The following H2AC8 variants were observed in gnomAD, a reference collection of about 807,000 sequenced individuals.
The protein encoded by H2AC8 is H2A clustered histone 8, also known as histone H2A type 1-B/E.
In H2AC8, 9 loss-of-function variants were observed where a neutral mutation model predicts 6.3. The observed-to-expected ratio is 1.43, with a 90% CI of 0.86 to 2.49. The LOEUF (loss-of-function observed/expected upper bound fraction) is 2.49. H2AC8 is among the 30% of genes most tolerant of loss of function. The pLI, the probability that H2AC8 is intolerant of heterozygous loss-of-function variation, is 0.00. For synonymous variants in H2AC8, 176 were observed against 79.6 expected (o/e 2.21, Z -6.45); for missense variants, 141 against 177.5 (o/e 0.79, Z 1.17).
At position 26,217,386 on chromosome 6, in the gene H2AC8, C is replaced by G. The variant is rs1012883659; in HGVS notation, c.*19C>G. 4 of 1,601,640 alleles carry G rather than the reference C, an allele frequency of 2.5e-6. No individual in the cohort carries two copies. In the Admixed American group the frequency reaches 5.4e-5, roughly 21 times the overall value. ...CAAGTGAAATGATTACTAGTCAAAT[C>G]CGTCAGTGATCCCGAGTCCCAGAAA... On this transcript the variant is annotated 3_prime_UTR_variant, in exon 1 of 1. Transcript: ENST00000303910.
chr6:26,217,079 C>G (rs753800823), exon 1 of H2AC8: 2 of 1,614,092 alleles, frequency 1.2e-6, no homozygotes, highest in African/African-American at 2.7e-5. Flanking sequence ...ACCGCCTCCT[C>G]CGCAAAGGCA....
upstream of H2AC8, chr6:26,216,955 TCTG>T (rs1177269989): frequency 6.2e-7 from 1 of 1,613,654 alleles, no homozygotes; most frequent in Non-Finnish European, 8.5e-7. Context: ...TGTTAGTTCT[TCTG>T]CTGTTAGGAA....
chr6:26,217,184 G>C, exon 1 of H2AC8: 2 of 1,614,160 alleles, frequency 1.2e-6, no homozygotes, highest in Non-Finnish European at 1.7e-6. Context: ...CTGGCAACGC[G>C]GCTCGCGACA....
At position 26,217,373 on chromosome 6, in the gene H2AC8, T is replaced by C. The variant is rs76078866; in HGVS notation, c.*6T>C. ...ATAAGGCCAAGGGCAAGTGAAATGA[T>C]TACTAGTCAAATCCGTCAGTGATCC... is the stretch of plus-strand genomic sequence containing the variant. On this transcript the variant is annotated 3_prime_UTR_variant, in exon 1 of 1. Transcript: ENST00000303910. The C allele has an allele frequency of 1.1e-4, 178 of 1,609,548 alleles. No homozygotes were observed. The East Asian group carries it at 3.2e-3, about 29-fold the overall frequency.
exon 1 of H2AC8, chr6:26,217,209 A>G (rs1765432767): frequency 4.3e-6 from 7 of 1,614,078 alleles, no homozygotes; most frequent in South Asian, 1.1e-5. Flanking sequence ...GAAGACCCGC[A>G]TCATCCCGCG....
chr6:26,216,945 T>G, upstream of H2AC8: 2 of 1,612,220 alleles, frequency 1.2e-6, no homozygotes, highest in Non-Finnish European at 1.7e-6. Flanking sequence ...TTCAGTGGAT[T>G]GTTAGTTCTT....
At chr6:26,217,166 A>G in exon 1 of H2AC8, 1 of 1,614,170 alleles carries the variant, frequency 6.2e-7, no homozygotes, top group Non-Finnish European at 8.5e-7. Flanking sequence ...CCGAGATCTT[A>G]GAGCTAGCTG....
At chr6:26,217,411 A>G in exon 1 of H2AC8, 1 of 1,588,468 alleles carries the variant, frequency 6.3e-7, no homozygotes, top group South Asian at 1.1e-5. Context: ...AGTCCCAGAA[A>G]CCAAAGGCTC....
chr6:26,216,928 T>C (rs762437937), upstream of H2AC8: 25 of 1,602,946 alleles, frequency 1.6e-5, no homozygotes, highest in Admixed American at 5.2e-5. Context: ...CCCATTCTTT[T>C]TCTTTATTCA....
exon 1 of H2AC8, chr6:26,217,385 T>C (rs770909789): frequency 2.5e-6 from 4 of 1,602,712 alleles, no homozygotes; most frequent in Non-Finnish European, 3.4e-6. Flanking sequence ...ACTAGTCAAA[T>C]CCGTCAGTGA....
exon 1 of H2AC8, chr6:26,217,043 T>A (rs747513260): frequency 1.2e-6 from 2 of 1,614,098 alleles, no homozygotes; most frequent in South Asian, 1.1e-5. Flanking sequence ...CCAGGGCCGG[T>A]CTTCAGTTTC....
At chr6:26,217,342 G>A (rs1327930515) in exon 1 of H2AC8, 5 of 1,614,112 alleles carry the variant, frequency 3.1e-6, no homozygotes, top group South Asian at 1.1e-5. Context: ...AAGACGGAGA[G>A]CCACCATAAG....
chr6:26,217,086 G>A (rs372540247), exon 1 of H2AC8: 4 of 1,614,190 alleles, frequency 2.5e-6, no homozygotes, highest in Non-Finnish European at 3.4e-6. Context: ...CCTCCGCAAA[G>A]GCAACTACTC....
At chr6:26,217,064 T>C in exon 1 of H2AC8, 3 of 1,614,178 alleles carry the variant, frequency 1.9e-6, no homozygotes, top group Non-Finnish European at 2.5e-6. Flanking sequence ...CAGTTGGCCG[T>C]GTGCACCGCC....
At chr6:26,216,973 C>G (rs762380528), upstream of H2AC8, 12 of 1,613,982 alleles carry the variant, frequency 7.4e-6, no homozygotes, top group Non-Finnish European at 1.0e-5. Flanking sequence ...TAGGAAGCCA[C>G]TATGTCTGGA....
At chr6:26,217,408 G>A in exon 1 of H2AC8, 5 of 1,591,448 alleles carry the variant, frequency 3.1e-6, no homozygotes, top group Non-Finnish European at 2.6e-6. Context: ...CCGAGTCCCA[G>A]AAACCAAAGG....
exon 1 of H2AC8, chr6:26,217,070 C>T: frequency 3.1e-6 from 5 of 1,614,198 alleles, no homozygotes; most frequent in Non-Finnish European, 4.2e-6. Flanking sequence ...GCCGTGTGCA[C>T]CGCCTCCTCC....
chr6:26,217,264 T>C, exon 1 of H2AC8: 1 of 1,614,194 alleles, frequency 6.2e-7, no homozygotes, highest in Admixed American at 1.7e-5. Context: ...CTAAATAAGC[T>C]TCTAGGTCGC....
rs138226402 is a variant in H2AC8 at position 26,217,140 on chromosome 6, C to T, written c.166C>T (p.Leu56=). The change falls in exon 1 of 1, where the codon CTG becomes TTG. Residue 56 remains leucine (L), a synonymous_variant. Transcript: ENST00000303910. ...CGCTCCAGTGTACCTGGCAGCGGTG[C>T]TGGAATATCTGACGGCCGAGATCTT... 2.7e-5 allele frequency: 44 copies of T among 1,614,172 alleles called. No homozygotes were observed. In the African/African-American group the frequency reaches 5.2e-4, roughly 19 times the overall value.
Sources: allele counts gnomAD v4.1 joint callset, GRCh38; gene constraint gnomAD v4.1.1; transcripts MANE v1.5; gene names NCBI Gene and HGNC (gene_info 2026-07-23, HGNC 2026-07-21).